Variants in CYP19A1 observed in about 807,000 individuals in gnomAD.
The protein encoded by CYP19A1 is cytochrome P450 family 19 subfamily A member 1.
In CYP19A1, 32 loss-of-function variants were observed where a neutral mutation model predicts 44.4. The ratio of observed to expected loss-of-function variants is 0.72; its 90% CI spans 0.54 to 0.97. CYP19A1 has a LOEUF of 0.97. Ranked by LOEUF, CYP19A1 falls within the 50% of genes least tolerant of loss-of-function variation. The pLI is 0.00. For synonymous variants in CYP19A1, 212 were observed against 215.6 expected (o/e 0.98, Z 0.14); for missense variants, 598 against 637.8 (o/e 0.94, Z 0.67).
chr15:51,289,798 G>A (rs1380198750), intron 1 of CYP19A1, among the ~76,000 whole-genome samples: 2 of 152,194 alleles, frequency 1.3e-5, no homozygotes, highest in East Asian at 3.9e-4. Flanking sequence ...TTGAAGGGTG[G>A]GGAGATGAGA....
At chr15:51,259,868 C>T (rs1263218386) in intron 1 of CYP19A1, among the ~76,000 whole-genome samples, 5 of 152,230 alleles carry the variant, frequency 3.3e-5, no homozygotes, top group Non-Finnish European at 1.5e-5. Flanking sequence ...ACCAGCTTTC[C>T]TAGAACCCTG....
intron 1 of CYP19A1, among the ~76,000 whole-genome samples, chr15:51,249,019 A>G (rs988767255): frequency 1.3e-5 from 2 of 151,552 alleles, no homozygotes; most frequent in African/African-American, 4.9e-5. Context: ...GACTCACTGC[A>G]ACCTCCGCCT....
intron 1 of CYP19A1, among the ~76,000 whole-genome samples, chr15:51,294,233 C>T (rs2035921446): frequency 7.4e-6 from 1 of 135,288 alleles, no homozygotes; most frequent in South Asian, 2.6e-4. Context: ...GTGACGAGCG[C>T]CTCTTCCCGG....
At chr15:51,314,834 T>G (rs1253374698) in intron 1 of CYP19A1, among the ~76,000 whole-genome samples, 1 of 152,222 alleles carries the variant, frequency 6.6e-6, no homozygotes, top group African/African-American at 2.4e-5. Context: ...CTGTCTTTGT[T>G]TCTTCATAAG....
At chr15:51,287,590 G>A (rs551536578) in intron 1 of CYP19A1, among the ~76,000 whole-genome samples, 10 of 152,286 alleles carry the variant, frequency 6.6e-5, no homozygotes, top group Non-Finnish European at 1.2e-4. Context: ...TGTCTCCTGG[G>A]CCCAAACACC....
intron 1 of CYP19A1, among the ~76,000 whole-genome samples, chr15:51,268,125 G>A (rs1029573700): frequency 1.3e-5 from 2 of 152,118 alleles, no homozygotes; most frequent in Non-Finnish European, 2.9e-5. Context: ...CAAAGCATAA[G>A]TAACATGCAA....
intron 1 of CYP19A1, among the ~76,000 whole-genome samples, chr15:51,336,569 A>G (rs918796884): frequency 6.6e-6 from 1 of 152,202 alleles, no homozygotes; most frequent in African/African-American, 2.4e-5. Context: ...TGTCAATCTC[A>G]TCACTGAAGA....
chr15:51,241,061 A>G (rs2033732468), intron 2 of CYP19A1, among the ~76,000 whole-genome samples: 1 of 152,222 alleles, frequency 6.6e-6, no homozygotes, highest in Admixed American at 6.5e-5. Flanking sequence ...CCTACCTCAG[A>G]CAGTGCTGAG....
At chr15:51,294,020 C>T (rs966103202) in intron 1 of CYP19A1, 5 of 184,956 alleles carry the variant, frequency 2.7e-5, no homozygotes, top group Admixed American at 6.3e-5. Flanking sequence ...GGCCGCCCAT[C>T]GTCTGGGATG....
rs567049725 is a variant in CYP19A1, at chr15:51,306,650, T to C, written c.-39+31845A>G. 4.6e-5 allele frequency among the ~76,000 whole-genome samples: 7 copies of C among 152,378 alleles called. No individual in the cohort carries two copies. The South Asian group carries it at 8.3e-4, about 18-fold the overall frequency. Reference sequence around the variant, plus strand: ...AATTGCAAAGTTCTAGTAAATTAAATAATAGAATATTAAGTACCTATTCTG... The same window carrying C: ...AATTGCAAAGTTCTAGTAAATTAAACAATAGAATATTAAGTACCTATTCTG... On this transcript the variant is annotated intron_variant, in intron 1 of 9. Transcript: ENST00000396402.
At chr15:51,297,133 C>A (rs1346770106) in intron 1 of CYP19A1, among the ~76,000 whole-genome samples, 1 of 152,176 alleles carries the variant, frequency 6.6e-6, no homozygotes, top group Non-Finnish European at 1.5e-5. Flanking sequence ...GTTCGCGCAG[C>A]CCTAGGATCC....
rs1455407619 is a variant in CYP19A1, at chr15:51,210,802, C to A, written c.*6G>T. 1 of 1,561,486 alleles carries A rather than the reference C, an allele frequency of 6.4e-7. No individual in the cohort carries two copies. Among genetic ancestry groups the A allele is most frequent in the Admixed American group, 1.7e-5 (1 of 59,970 alleles). On this transcript the variant is annotated 3_prime_UTR_variant, in exon 10 of 10. Coordinates refer to ENST00000396402, the MANE Select transcript of CYP19A1 (RefSeq NM_000103.4). ...ATGCTCCAGAGTGGGTACTGACCAG[C>A]CTTCTCTAGTGTTCCAGACACCTGT... is the stretch of plus-strand genomic sequence containing the variant.
At chr15:51,321,964 A>C (rs1378744466) in intron 1 of CYP19A1, 2 of 145,920 alleles carry the variant, frequency 1.4e-5, no homozygotes, top group Admixed American at 6.8e-5. Context: ...AAAAAAAAAC[A>C]TAATAAATAA....
At chr15:51,216,491 G>A (rs2031590308) in intron 6 of CYP19A1, among the ~76,000 whole-genome samples, 1 of 152,160 alleles carries the variant, frequency 6.6e-6, no homozygotes, top group Non-Finnish European at 1.5e-5. Flanking sequence ...GACCTCAGGT[G>A]ATCCACCCAC....
At chr15:51,222,207 GA>G (rs1257354351) in intron 5 of CYP19A1, 141 bp downstream of exon 5, 3 of 1,469,602 alleles carry the variant, frequency 2.0e-6, no homozygotes, top group African/African-American at 1.4e-5. Flanking sequence ...AAACACTAGG[GA>G]AAAAAACGAG....
chr15:51,282,712 G>A (rs1042669164), intron 1 of CYP19A1, among the ~76,000 whole-genome samples: 10 of 152,194 alleles, frequency 6.6e-5, no homozygotes. Flanking sequence ...AACGTGGGGC[G>A]ACAAAGGCCC....
At chr15:51,335,404 T>A (rs1412527750) in intron 1 of CYP19A1, among the ~76,000 whole-genome samples, 1 of 152,202 alleles carries the variant, frequency 6.6e-6, no homozygotes, top group Non-Finnish European at 1.5e-5. Flanking sequence ...ACCCTAGAGA[T>A]AAGCAGATTT....
intron 4 of CYP19A1, among the ~76,000 whole-genome samples, chr15:51,227,322 T>C (rs1382412216): frequency 6.6e-6 from 1 of 151,934 alleles, no homozygotes; most frequent in Admixed American, 6.6e-5. Flanking sequence ...TACAACAGAG[T>C]AAAGGCATAA....
chr15:51,274,003 TCA>T (rs34082137), intron 1 of CYP19A1, among the ~76,000 whole-genome samples: 332 of 149,920 alleles, frequency 2.2e-3, no homozygotes, highest in East Asian at 0.016. Context: ...TGAAATTTTG[TCA>T]CACACACACA....
Sources: gnomAD v4.1 joint callset for allele counts (sites outside exome capture counted in the v4.1 genomes callset) on GRCh38, gnomAD v4.1.1 for gene constraint, MANE v1.5 for transcripts, NCBI Gene and HGNC (gene_info 2026-07-23, HGNC 2026-07-21) for gene names.